RNF125: variants seen among roughly 807,000 people sequenced by gnomAD.
The protein encoded by RNF125 is E3 ubiquitin-protein ligase RNF125.
Under a neutral mutation model 26.0 loss-of-function variants are expected in RNF125, and 21 were observed. The ratio of observed to expected loss-of-function variants is 0.81; its 90% CI spans 0.57 to 1.16. The LOEUF (loss-of-function observed/expected upper bound fraction) is 1.16. RNF125 is among the 50% of genes most tolerant of loss of function. RNF125 has a pLI of 0.00. For missense variants in RNF125, 270 were observed against 299.4 expected (o/e 0.90, Z 0.72); for synonymous variants, 95 against 109.2 (o/e 0.87, Z 0.81).
Position 32,068,396 on chromosome 18 carries a change from C to A in RNF125, c.*12C>A. 3.3e-6 allele frequency: 5 copies of A among 1,510,238 alleles called. No individual in the cohort carries two copies. The highest frequency in any genetic ancestry group is 3.7e-6 in the Non-Finnish European group (4 of 1,086,006). The allele number at this position is 1,510,238 out of a possible 1,614,324, so 93.6% of individuals were successfully genotyped here. Reference sequence around the variant, plus strand: ...CGAACACCACATAATTTTATTAAAACGAAGGGAAAAGGGACCACTGAATTG... The same window carrying A: ...CGAACACCACATAATTTTATTAAAAAGAAGGGAAAAGGGACCACTGAATTG... On this transcript the variant is annotated 3_prime_UTR_variant, in exon 6 of 6. Coordinates refer to ENST00000217740, the MANE Select transcript of RNF125 (RefSeq NM_017831.4).
At chr18:32,049,100 C>A (rs1024895321) in intron 4 of RNF125, among the ~76,000 whole-genome samples, 2 of 152,132 alleles carry the variant, frequency 1.3e-5, no homozygotes, top group African/African-American at 4.8e-5. Context: ...TACTGTGTAC[C>A]TGCTCCAGCA....
intron 4 of RNF125, among the ~76,000 whole-genome samples, chr18:32,057,398 G>A (rs980356269): frequency 6.0e-5 from 9 of 150,638 alleles, no homozygotes; most frequent in African/African-American, 1.7e-4. Flanking sequence ...GTAGTGGCGC[G>A]ATCTTGGCTC....
At chr18:32,074,300 G>A (rs116453442), downstream of RNF125, among the ~76,000 whole-genome samples, 415 of 152,246 alleles carry the variant, frequency 2.7e-3, 4 homozygotes, top group African/African-American at 9.6e-3. Context: ...CAAGTCACAT[G>A]GCCATATGTA....
chr18:32,075,776 A>C, downstream of RNF125: 1 of 506,076 alleles, frequency 2.0e-6, no homozygotes. Flanking sequence ...GTGCCATGCC[A>C]CCTTTTCACT....
rs1442294717 is a variant in RNF125 at position 32,021,506 on chromosome 18, ACAGGC to A, written c.164+2483_164+2487del. ...GATGTAGCTTATTAACATAATATCC[ACAGGC>A]CAGTCTGGAAGCCAAGATGGGCTGT... On this transcript the variant is annotated intron_variant, in intron 1 of 5. Coordinates refer to ENST00000217740, the MANE Select transcript of RNF125 (RefSeq NM_017831.4). 3.3e-5 allele frequency among the ~76,000 whole-genome samples: 5 copies of A among 152,350 alleles called. No individual in the cohort carries two copies. The South Asian group carries it at 1.0e-3, about 32-fold the overall frequency.
At chr18:32,065,811 G>GT (rs2039479476) in intron 4 of RNF125, 91 bp from the exon 5 acceptor site, 8 of 891,862 alleles carry the variant, frequency 9.0e-6, no homozygotes, top group East Asian at 2.5e-5. Flanking sequence ...GATTACAGGC[G>GT]TAAGCCACCG....
rs2144476891 is a variant in RNF125, at chr18:32,042,098, A to G, written c.319-81A>G. The G allele has an allele frequency of 3.1e-6, 3 of 973,050 alleles. No homozygotes were observed. In the East Asian group the frequency reaches 7.8e-5, roughly 25 times the overall value. 60.3% of individuals were successfully genotyped at this position (973,050 alleles called of 1,614,324 possible). ...TGATCCCACAGTATGACCTTACTTG[A>G]AAGTTAAAAGGCTGGATCGCATAAG... On this transcript the variant is annotated intron_variant, in intron 2 of 5. Coordinates refer to ENST00000217740, the MANE Select transcript of RNF125 (RefSeq NM_017831.4).
At chr18:32,037,369 T>C in intron 2 of RNF125, 100 bp downstream of exon 2, 1 of 531,404 alleles carries the variant, frequency 1.9e-6, no homozygotes, top group Non-Finnish European at 2.9e-6. Context: ...CGCACCTTTT[T>C]TTTTTTTTTT....
intron 1 of RNF125, among the ~76,000 whole-genome samples, chr18:32,032,832 C>T (rs542700525): frequency 1.3e-5 from 2 of 151,830 alleles, no homozygotes; most frequent in East Asian, 1.9e-4. Context: ...GCAGCCTGGG[C>T]GACAGAGCAA....
intron 1 of RNF125, among the ~76,000 whole-genome samples, chr18:32,024,590 C>T (rs903824761): frequency 5.3e-5 from 8 of 151,780 alleles, no homozygotes; most frequent in African/African-American, 1.9e-4. Context: ...ACAGGCATGC[C>T]CCACCACACC....
At chr18:32,023,066 T>C (rs2039000250) in intron 1 of RNF125, among the ~76,000 whole-genome samples, 1 of 152,142 alleles carries the variant, frequency 6.6e-6, no homozygotes, top group South Asian at 2.1e-4. Context: ...CACTGCAGCC[T>C]CCACCTCCTG....
chr18:32,056,420 T>C (rs963318800), intron 4 of RNF125, among the ~76,000 whole-genome samples: 13 of 152,030 alleles, frequency 8.6e-5, no homozygotes, highest in African/African-American at 2.9e-4. Context: ...GAGACCAGCC[T>C]GACCAATATA....
chr18:32,046,283 A>G (rs900907625), intron 4 of RNF125, among the ~76,000 whole-genome samples: 6 of 151,148 alleles, frequency 4.0e-5, no homozygotes, highest in African/African-American at 1.5e-4. Context: ...GGTTATAGCC[A>G]TGTTTAGAAC....
Position 32,018,935 on chromosome 18 carries a change from C to A in RNF125, c.72C>A (p.Arg24=). Residue 24 remains arginine, a synonymous_variant, in exon 1 of 6, where the codon CGC becomes CGA. Coordinates refer to ENST00000217740, the MANE Select transcript of RNF125 (RefSeq NM_017831.4). ...CTGCCACCGCGCGGGCCCTGGAGCGCAGGAGGGACCCGGAGTTGCCCGTCA... is the reference window on the plus strand; with the variant it reads ...CTGCCACCGCGCGGGCCCTGGAGCGAAGGAGGGACCCGGAGTTGCCCGTCA... ...PASATARALE[R]RRDPELPVTS... 1.9e-6 allele frequency: 3 copies of A among 1,613,142 alleles called. No individual in the cohort carries two copies. Among genetic ancestry groups the A allele is most frequent in the Non-Finnish European group, 2.5e-6 (3 of 1,179,682 alleles).
intron 2 of RNF125, among the ~76,000 whole-genome samples, chr18:32,039,555 C>G (rs1291228108): frequency 6.6e-6 from 1 of 152,090 alleles, no homozygotes; most frequent in African/African-American, 2.4e-5. Flanking sequence ...TAGCTTTTTA[C>G]ATTCTTAATA....
chr18:32,042,079 C>A, intron 2 of RNF125, 100 bp from the exon 3 acceptor site: 1 of 792,770 alleles, frequency 1.3e-6, no homozygotes, highest in Non-Finnish European at 2.1e-6. Flanking sequence ...CAGTTGATCC[C>A]ACAGTATGAC....
At position 32,047,315 on chromosome 18, in the gene RNF125, G is replaced by A. The variant is rs188130557; in HGVS notation, c.504+1583G>A. On this transcript the variant is annotated intron_variant, in intron 4 of 5. Coordinates refer to ENST00000217740, the MANE Select transcript of RNF125 (RefSeq NM_017831.4). ...GGCCTCCCAAAGGCTGGGATTACAGGTGTGAGCCACCGCGCCTGGCCTGGA... is the reference window on the plus strand; with the variant it reads ...GGCCTCCCAAAGGCTGGGATTACAGATGTGAGCCACCGCGCCTGGCCTGGA... 5.0e-3 allele frequency among the ~76,000 whole-genome samples: 758 copies of A among 152,328 alleles called. 5 individuals carry two copies. Among genetic ancestry groups the A allele is most frequent in the Non-Finnish European group, 7.1e-3 (482 of 68,026 alleles).
In RNF125 at chr18:32,026,851, A is replaced by C. The variant is rs117959548; in HGVS notation, c.164+7824A>C. 4.6e-5 allele frequency among the ~76,000 whole-genome samples: 7 copies of C among 152,348 alleles called. No homozygotes were observed. The East Asian group carries it at 1.2e-3, about 25-fold the overall frequency. ...TTGATGGCTTCAACCAAGGTTTCCT[A>C]AGAGGGAGCAAAAGTTGCAACCCTT... On this transcript the variant is annotated intron_variant, in intron 1 of 5. Coordinates refer to ENST00000217740, the MANE Select transcript of RNF125 (RefSeq NM_017831.4).
chr18:32,058,100 C>G (rs2039402428), intron 4 of RNF125, among the ~76,000 whole-genome samples: 1 of 147,902 alleles, frequency 6.8e-6, no homozygotes, highest in South Asian at 2.1e-4. Context: ...CCATTGCACT[C>G]CAGCCTGGGT....
Sources: allele counts gnomAD v4.1 joint callset (sites outside exome capture counted in the v4.1 genomes callset), GRCh38; gene constraint gnomAD v4.1.1; transcripts MANE v1.5; gene names NCBI Gene and HGNC (gene_info 2026-07-23, HGNC 2026-07-21).